The following CFI variants were observed in gnomAD, a reference collection of about 807,000 sequenced individuals.
CFI encodes the protein C3B/C4B inactivator.
In CFI, 66 loss-of-function variants were observed where a neutral mutation model predicts 78.8. The ratio of observed to expected loss-of-function variants is 0.84; its 90% CI spans 0.69 to 1.03. The LOEUF (loss-of-function observed/expected upper bound fraction) is 1.03, where lower values mean the gene tolerates loss of function less well. Ranked by LOEUF, CFI falls within the 50% of genes least tolerant of loss-of-function variation. CFI has a pLI of 0.00. For missense variants in CFI, 706 were observed against 704.5 expected, an observed-to-expected ratio of 1.00 and a Z score of -0.02; for synonymous variants, 250 against 232.6, an observed-to-expected ratio of 1.07 and a Z score of -0.68.
intron 1 of CFI, among the ~76,000 whole-genome samples, chr4:109,785,256 C>T (rs926742958): frequency 2.6e-5 from 4 of 152,022 alleles, no homozygotes; most frequent in Admixed American, 2.0e-4. Context: ...CACAGACACA[C>T]GTGACATCTT....
chr4:109,769,349 C>A (rs1176508035), intron 1 of CFI, among the ~76,000 whole-genome samples: 3 of 152,182 alleles, frequency 2.0e-5, no homozygotes, highest in East Asian at 1.9e-4. Flanking sequence ...GCTGTGGAAC[C>A]ACTGAAGCTC....
At chr4:109,779,340 C>G (rs917916209) in intron 1 of CFI, among the ~76,000 whole-genome samples, 7 of 152,202 alleles carry the variant, frequency 4.6e-5, no homozygotes, top group Middle Eastern at 3.4e-3. Flanking sequence ...ACACCAAGAA[C>G]AGACGCACAG....
the CFI span, among the ~76,000 whole-genome samples, chr4:109,732,744 C>G: frequency 1.3e-5 from 2 of 151,552 alleles, no homozygotes; most frequent in Admixed American, 1.3e-4. Context: ...GTAGTCCCAG[C>G]TACTCGGGAG....
At chr4:109,735,867 A>G (rs988322332), downstream of CFI, among the ~76,000 whole-genome samples, 36 of 152,250 alleles carry the variant, frequency 2.4e-4, no homozygotes, top group African/African-American at 8.4e-4. Context: ...GCAGGCTTAC[A>G]GTTACAGTGG....
intron 1 of CFI, among the ~76,000 whole-genome samples, chr4:109,771,799 C>G (rs1311378636): frequency 2.1e-5 from 3 of 143,988 alleles, no homozygotes; most frequent in Non-Finnish European, 4.5e-5. Flanking sequence ...GGGATAGTAG[C>G]ATAAAGGGCC....
intron 1 of CFI, among the ~76,000 whole-genome samples, chr4:109,767,365 T>G (rs1167201645): frequency 6.6e-6 from 1 of 151,028 alleles, no homozygotes; most frequent in Non-Finnish European, 1.5e-5. Flanking sequence ...TGGGAGAAAA[T>G]TTTTGCAATC....
chr4:109,732,852 G>T, the CFI span, among the ~76,000 whole-genome samples: 1 of 89,088 alleles, frequency 1.1e-5, no homozygotes, highest in African/African-American at 7.2e-5. Flanking sequence ...GCAAGACTCT[G>T]TCTCAAAAAA....
At chr4:109,787,227 A>G (rs1446253915) in intron 1 of CFI, among the ~76,000 whole-genome samples, 1 of 152,148 alleles carries the variant, frequency 6.6e-6, no homozygotes, top group Admixed American at 6.5e-5. Context: ...GAAAACTTTC[A>G]AAAACAGCCA....
At chr4:109,770,281 T>G (rs1429107883) in intron 1 of CFI, among the ~76,000 whole-genome samples, 7 of 152,054 alleles carry the variant, frequency 4.6e-5, no homozygotes, top group Admixed American at 4.6e-4. Flanking sequence ...TGGTTTTGAC[T>G]AGGCACAGTG....
At chr4:109,760,198 T>C in intron 6 of CFI, 72 bp downstream of exon 6, 2 of 1,037,006 alleles carry the variant, frequency 1.9e-6, no homozygotes, top group Non-Finnish European at 3.0e-6. Context: ...AAGATTATAC[T>C]TTACCTAAAG....
chr4:109,757,996 GATC>G, intron 6 of CFI: 1 of 1,394,870 alleles, frequency 7.2e-7, no homozygotes, highest in South Asian at 1.5e-5. Flanking sequence ...ATAGCAAAGA[GATC>G]ATTTTGATTT....
Position 109,766,719 on chromosome 4 carries a change from T to A in CFI, c.163A>T (p.Ile55Phe), listed in dbSNP as rs139323613. The A allele has an allele frequency of 8.7e-6, 14 of 1,614,092 alleles. No homozygotes were observed. Among genetic ancestry groups the A allele is most frequent in the African/African-American group, 1.3e-5 (1 of 74,936 alleles). Residue 55 changes from isoleucine to phenylalanine, a missense_variant, in exon 2 of 13, where the codon ATT (isoleucine) becomes TTT (phenylalanine). Physicochemically the swap from Ile to Phe is conservative, Grantham distance 21. Transcript: ENST00000394634. ...AGTTTACAAACACAGGTGCCCTCAA[T>A]GCATCTCTGCCATGGCTGGCAGAAG... ...KVFCQPWQRC[I>F]EGTCVCKLPY...
At chr4:109,768,342 A>C (rs1472623942) in intron 1 of CFI, among the ~76,000 whole-genome samples, 1 of 150,940 alleles carries the variant, frequency 6.6e-6, no homozygotes, top group African/African-American at 2.4e-5. Flanking sequence ...CCTAAAAAAA[A>C]AAAAAAAAAA....
intron 8 of CFI, among the ~76,000 whole-genome samples, chr4:109,749,893 A>T (rs892671529): frequency 6.6e-6 from 1 of 152,238 alleles, no homozygotes; most frequent in African/African-American, 2.4e-5. Flanking sequence ...CTGATAAAGG[A>T]TGCCACATGT....
intron 7 of CFI, among the ~76,000 whole-genome samples, chr4:109,756,893 GAAAGAAAGAAA>G (rs1726253505): frequency 7.3e-4 from 10 of 13,754 alleles, no homozygotes; most frequent in South Asian, 7.4e-3. Context: ...AGAAAGGAAA[GAAAGAAAGAAA>G]GAAAGAAAGA....
chr4:109,766,501 A>C, intron 2 of CFI, 53 bp downstream of exon 2: 1 of 1,595,740 alleles, frequency 6.3e-7, no homozygotes, highest in South Asian at 1.1e-5. Flanking sequence ...AAAGTATGGC[A>C]TACAAATACC....
intron 1 of CFI, among the ~76,000 whole-genome samples, chr4:109,777,840 A>C (rs372868858): frequency 6.6e-6 from 1 of 152,026 alleles, no homozygotes; most frequent in South Asian, 2.1e-4. Flanking sequence ...ACTCAAAACC[A>C]CTCAACTACA....
rs778875276 is a variant in CFI at position 109,746,344 on chromosome 4, T to A, written c.1307A>T (p.Lys436Ile). 1.9e-6 allele frequency: 3 copies of A among 1,614,220 alleles called. No homozygotes were observed. The highest frequency in any genetic ancestry group is 2.5e-6 in the Non-Finnish European group (3 of 1,180,044). ...ACAATCTTTTTTGTTTCCGTCTTTT[T>A]TCATTTCAATCAAAGCGATGTCATT... ...YQNDIALIEMKKDGNKKDCEL... is the reference protein window; with the variant it reads ...YQNDIALIEMIKDGNKKDCEL... The change falls in exon 11 of 13, where the codon AAA becomes ATA. Residue 436 changes from lysine to isoleucine, a missense_variant. Coordinates refer to ENST00000394634, the MANE Select transcript of CFI (RefSeq NM_000204.5).
intron 12 of CFI, chr4:109,741,330 T>C: frequency 1.0e-6 from 1 of 985,446 alleles, no homozygotes; most frequent in Non-Finnish European, 1.2e-6. Flanking sequence ...ATTCAGCATG[T>C]TCTTCCTGTG....
Sources: gnomAD v4.1 joint callset for allele counts (sites outside exome capture counted in the v4.1 genomes callset) on GRCh38, gnomAD v4.1.1 for gene constraint, MANE v1.5 for transcripts, NCBI Gene and HGNC (gene_info 2026-07-23, HGNC 2026-07-21) for gene names.